STPG2: variants seen among roughly 807,000 people sequenced by gnomAD.
STPG2 encodes the protein sperm tail PG-rich repeat containing 2.
STPG2 carries 56 observed loss-of-function variants against 54.2 expected under a neutral mutation model. That is an observed-to-expected ratio of 1.03 (90% confidence interval 0.83 to 1.29). The LOEUF (loss-of-function observed/expected upper bound fraction) is 1.29. Among genes scored for constraint, STPG2 ranks in the 50% most tolerant of loss-of-function variants. STPG2 has a pLI of 0.00. For synonymous variants in STPG2, 200 were observed against 181.8 expected (o/e 1.10, Z -0.81); for missense variants, 596 against 544.9 (o/e 1.09, Z -0.93).
At chr4:97,699,915 T>C (rs2085324) in intron 10 of STPG2, among the ~76,000 whole-genome samples, 68,168 of 152,056 alleles carry the variant, frequency 0.45, 16,794 homozygotes, top group South Asian at 0.62. Context: ...TGATCACTTA[T>C]ATGCCACTTT....
At chr4:97,461,255 T>TTC (rs1301603913) in intron 4 of STPG2, among the ~76,000 whole-genome samples, 18 of 151,244 alleles carry the variant, frequency 1.2e-4, no homozygotes, top group East Asian at 3.9e-4. Flanking sequence ...CTCTTTCTCT[T>TTC]TATCTCTCTC....
At chr4:97,827,736 C>T (rs762536039) in intron 9 of STPG2, among the ~76,000 whole-genome samples, 1 of 152,258 alleles carries the variant, frequency 6.6e-6, no homozygotes, top group Non-Finnish European at 1.5e-5. Context: ...GGTTATTTTA[C>T]CAAGGCTTTG....
At chr4:97,448,788 T>C (rs1729291509) in intron 4 of STPG2, among the ~76,000 whole-genome samples, 1 of 152,174 alleles carries the variant, frequency 6.6e-6, no homozygotes, top group African/African-American at 2.4e-5. Context: ...TTTGGCTTTT[T>C]GTTCTAGAGT....
intron 9 of STPG2, among the ~76,000 whole-genome samples, chr4:97,747,079 TAG>T (rs1725440217): frequency 6.6e-6 from 1 of 150,882 alleles, no homozygotes; most frequent in South Asian, 2.1e-4. Context: ...ATAGTTAAAG[TAG>T]AGTTATAGAA....
At chr4:97,609,769 A>C (rs1467128067) in intron 10 of STPG2, among the ~76,000 whole-genome samples, 1 of 151,952 alleles carries the variant, frequency 6.6e-6, no homozygotes, top group African/African-American at 2.4e-5. Flanking sequence ...TCACAAATAT[A>C]ATTCAGATTA....
At chr4:97,901,435 C>T (rs1378062779) in intron 8 of STPG2, among the ~76,000 whole-genome samples, 1 of 151,832 alleles carries the variant, frequency 6.6e-6, no homozygotes, top group Non-Finnish European at 1.5e-5. Context: ...ATATAGAAAG[C>T]TCTAAAGACT....
chr4:97,815,318 A>T (rs1727876100), intron 9 of STPG2, among the ~76,000 whole-genome samples: 1 of 152,158 alleles, frequency 6.6e-6, no homozygotes, highest in Non-Finnish European at 1.5e-5. Context: ...AATGTTTTGG[A>T]TTTCAGAATT....
At chr4:97,477,714 TCTC>T (rs1196152926) in intron 4 of STPG2, among the ~76,000 whole-genome samples, 1 of 151,584 alleles carries the variant, frequency 6.6e-6, no homozygotes, top group African/African-American at 2.4e-5. Flanking sequence ...ATGGTCTCAA[TCTC>T]CTGACCTCGT....
chr4:97,930,277 G>C (rs928795253), intron 8 of STPG2, among the ~76,000 whole-genome samples: 1 of 152,132 alleles, frequency 6.6e-6, no homozygotes, highest in Non-Finnish European at 1.5e-5. Context: ...GATAGTATTG[G>C]CTAGGTTGTT....
At chr4:98,088,560 T>A (rs11725095) in intron 5 of STPG2, among the ~76,000 whole-genome samples, 59,629 of 151,136 alleles carry the variant, frequency 0.39, 11,928 homozygotes, top group Middle Eastern at 0.46. Context: ...TATTAAGTTA[T>A]TTAAAATCAT....
chr4:98,054,455 A>T (rs1387877688), intron 5 of STPG2, among the ~76,000 whole-genome samples: 1 of 152,344 alleles, frequency 6.6e-6, no homozygotes, highest in East Asian at 1.9e-4. Context: ...AATAACTAAT[A>T]TAACAAGCTT....
At chr4:97,668,058 A>G (rs1218553248) in intron 10 of STPG2, among the ~76,000 whole-genome samples, 3 of 152,244 alleles carry the variant, frequency 2.0e-5, no homozygotes, top group Non-Finnish European at 4.4e-5. Flanking sequence ...TTGCCTCAAA[A>G]GAGCCAACTG....
chr4:97,472,239 T>C lies in STPG2; in HGVS notation c.462+240460A>G, dbSNP rs555724695. On this transcript the variant is annotated intron_variant, in intron 4 of 4. Coordinates refer to the STPG2 transcript ENST00000522676. Reference sequence around the variant, plus strand: ...CTGAAATTTCTGTGGGAACCAGTGTTATGGTAGGAAAATCTGAACTGTAAT... The same window carrying C: ...CTGAAATTTCTGTGGGAACCAGTGTCATGGTAGGAAAATCTGAACTGTAAT... 2.0e-5 allele frequency among the ~76,000 whole-genome samples: 3 copies of C among 152,286 alleles called. No individual in the cohort carries two copies. The East Asian group carries it at 5.8e-4, about 29-fold the overall frequency.
chr4:97,963,293 C>T (rs897862590), intron 7 of STPG2, among the ~76,000 whole-genome samples: 7 of 152,100 alleles, frequency 4.6e-5, no homozygotes, highest in African/African-American at 1.7e-4. Context: ...TATTAACATT[C>T]ATGATGGATT....
At chr4:97,742,562 TG>T (rs1725290134) in intron 9 of STPG2, among the ~76,000 whole-genome samples, 1 of 131,242 alleles carries the variant, frequency 7.6e-6, no homozygotes, top group Non-Finnish European at 1.7e-5. Context: ...TGTGTGTGTG[TG>T]TGTCTATATA....
At chr4:97,616,092 A>ATATATATATG (rs764342142) in intron 10 of STPG2, among the ~76,000 whole-genome samples, 1,388 of 62,680 alleles carry the variant, frequency 0.022, 25 homozygotes, top group Non-Finnish European at 0.031. Context: ...ATATATATAT[A>ATATATATATG]TATGTATGTA....
chr4:97,874,635 G>A (rs577386825), intron 8 of STPG2, among the ~76,000 whole-genome samples: 3 of 151,480 alleles, frequency 2.0e-5, no homozygotes, highest in Non-Finnish European at 4.4e-5. Context: ...TTTGTTTCTG[G>A]TTTCCTTCAC....
Position 97,459,440 on chromosome 4 carries a change from G to GTTT in STPG2, c.462+253256_462+253258dup, listed in dbSNP as rs564314656. On this transcript the variant is annotated intron_variant, in intron 4 of 4. Transcript: ENST00000522676. ...ATTCAAAGGATGCCTGTTTTTTTTTGTTTTTTTTTTTTTTTTTGAGACAGA... is the reference window on the plus strand; with the variant it reads ...ATTCAAAGGATGCCTGTTTTTTTTTGTTTTTTTTTTTTTTTTTTTTGAGACAGA... Among the ~76,000 whole-genome samples the GTTT allele has an allele frequency of 1.4e-3, 170 of 122,478 alleles. 5 individuals are homozygous for GTTT. Among genetic ancestry groups the GTTT allele is most frequent in the African/African-American group, 4.6e-3 (151 of 32,622 alleles). 80.4% of individuals were successfully genotyped at this position (122,478 alleles called of 152,430 possible). A position where few individuals can be genotyped will look rare whatever the true frequency, so the allele number is the denominator to read the frequency against.
At chr4:97,635,041 G>C (rs1290250781) in intron 10 of STPG2, among the ~76,000 whole-genome samples, 1 of 152,096 alleles carries the variant, frequency 6.6e-6, no homozygotes, top group African/African-American at 2.4e-5. Context: ...ATAATTGTCA[G>C]ATTCACCAAA....
Sources: allele counts gnomAD v4.1 joint callset (sites outside exome capture counted in the v4.1 genomes callset), GRCh38; gene constraint gnomAD v4.1.1; transcripts MANE v1.5; gene names NCBI Gene and HGNC (gene_info 2026-07-23, HGNC 2026-07-21).